The following ANK3 variants were observed in gnomAD, a reference collection of about 807,000 sequenced individuals.
The protein encoded by ANK3 is ankyrin 3.
A neutral mutation model predicts 370.9 loss-of-function variants in ANK3; 57 were observed. The observed-to-expected ratio is 0.15, with a 90% CI of 0.12 to 0.19. The LOEUF (loss-of-function observed/expected upper bound fraction) is 0.19, where lower values mean the gene tolerates loss of function less well. ANK3 is among the 10% of genes least tolerant of loss of function. The pLI is 1.00. For synonymous variants in ANK3, 1,929 were observed against 1,946.3 expected, an observed-to-expected ratio of 0.99 and a Z score of 0.23; for missense variants, 4,439 against 5,302.1, an observed-to-expected ratio of 0.84 and a Z score of 5.06.
At chr10:60,500,649 A>G (rs1430354639) in intron 2 of ANK3, among the ~76,000 whole-genome samples, 7 of 152,180 alleles carry the variant, frequency 4.6e-5, no homozygotes, top group African/African-American at 7.2e-5. Context: ...ACTGGCACAG[A>G]AGCAACTGGG....
chr10:60,344,066 C>G (rs1322816400), intron 1 of ANK3, among the ~76,000 whole-genome samples: 1 of 152,250 alleles, frequency 6.6e-6, no homozygotes, highest in Non-Finnish European at 1.5e-5. Context: ...TAATAACAGC[C>G]TAGTACTAAA....
chr10:60,672,503 G>C (rs1205241928), intron 1 of ANK3, among the ~76,000 whole-genome samples: 1 of 152,184 alleles, frequency 6.6e-6, no homozygotes, highest in Non-Finnish European at 1.5e-5. Flanking sequence ...GGAGCTTTCA[G>C]CTTGACAACA....
intron 2 of ANK3, among the ~76,000 whole-genome samples, chr10:60,479,669 C>A (rs548712133): frequency 6.6e-6 from 1 of 152,144 alleles, no homozygotes; most frequent in African/African-American, 2.4e-5. Flanking sequence ...AACTGAAACA[C>A]CGAGAAGTGG....
At chr10:60,585,226 T>C (rs547948311) in intron 2 of ANK3, among the ~76,000 whole-genome samples, 24 of 152,258 alleles carry the variant, frequency 1.6e-4, no homozygotes, top group African/African-American at 5.3e-4. Context: ...TGTATACAGG[T>C]GGTGAAACAC....
intron 2 of ANK3, among the ~76,000 whole-genome samples, chr10:60,400,087 C>T (rs1403309653): frequency 2.7e-5 from 4 of 149,870 alleles, no homozygotes; most frequent in Non-Finnish European, 5.9e-5. Context: ...TAAGATTTGG[C>T]TAAAGTCTGT....
At chr10:60,180,298 T>C (rs2096118958) in intron 18 of ANK3, among the ~76,000 whole-genome samples, 1 of 149,472 alleles carries the variant, frequency 6.7e-6, no homozygotes. Context: ...ACATGGCATA[T>C]AGAAAGAAAG....
At chr10:60,566,875 T>C (rs751023116) in intron 2 of ANK3, among the ~76,000 whole-genome samples, 56 of 152,242 alleles carry the variant, frequency 3.7e-4, no homozygotes, top group Middle Eastern at 6.8e-3. Context: ...AGACCCTGTC[T>C]CTTAAAAACA....
At chr10:60,279,677 A>G (rs749531215) in intron 1 of ANK3, 38 bp from the exon 2 acceptor site, 4 of 1,477,892 alleles carry the variant, frequency 2.7e-6, no homozygotes, top group South Asian at 2.3e-5. Context: ...TGAAAAATGA[A>G]GCTAATATGC....
At chr10:60,539,223 T>C (rs777891083) in intron 2 of ANK3, among the ~76,000 whole-genome samples, 23 of 152,136 alleles carry the variant, frequency 1.5e-4, no homozygotes, top group Non-Finnish European at 4.4e-5. Flanking sequence ...AGAACTATTA[T>C]TGTTAGAAAT....
chr10:60,446,323 G>C (rs988391439), intron 2 of ANK3, among the ~76,000 whole-genome samples: 2 of 152,122 alleles, frequency 1.3e-5, no homozygotes, highest in African/African-American at 2.4e-5. Flanking sequence ...TCAGAGCATG[G>C]TCCATTATGC....
chr10:60,576,405 A>G (rs1438454304), intron 2 of ANK3, among the ~76,000 whole-genome samples: 1 of 152,250 alleles, frequency 6.6e-6, no homozygotes, highest in African/African-American at 2.4e-5. Context: ...CATAGGAGAA[A>G]TAACAGGGTT....
chr10:60,544,359 G>A (rs1265463359), intron 2 of ANK3, among the ~76,000 whole-genome samples: 1 of 152,090 alleles, frequency 6.6e-6, no homozygotes, highest in African/African-American at 2.4e-5. Context: ...GGGAAGTAAA[G>A]AAGAGTAAAG....
chr10:60,392,522 C>T (rs1346831407), upstream of ANK3, among the ~76,000 whole-genome samples: 1 of 152,122 alleles, frequency 6.6e-6, no homozygotes, highest in Non-Finnish European at 1.5e-5. Context: ...CGACGGTCAC[C>T]TCCCTCTACA....
At chr10:60,487,739 A>C (rs2075386859) in intron 2 of ANK3, among the ~76,000 whole-genome samples, 1 of 115,852 alleles carries the variant, frequency 8.6e-6, no homozygotes, top group South Asian at 2.8e-4. Flanking sequence ...TTTGAGACAG[A>C]GTCTCGCTCT....
chr10:60,201,686 T>C (rs1369684920), intron 12 of ANK3, among the ~76,000 whole-genome samples: 1 of 150,590 alleles, frequency 6.6e-6, no homozygotes. Flanking sequence ...AGAGACTACC[T>C]TGAAGTTAGT....
chr10:60,413,418 A>T (rs533299827), intron 2 of ANK3, among the ~76,000 whole-genome samples: 1 of 152,296 alleles, frequency 6.6e-6, no homozygotes, highest in Admixed American at 6.5e-5. Context: ...GACAGATAAA[A>T]TTTTTATTAT....
rs893988264 is a variant in ANK3 at position 60,053,612 on chromosome 10, A to G, written c.13065+2046T>C. On this transcript the variant is annotated intron_variant, in intron 42 of 43. Coordinates refer to ENST00000280772, the MANE Select transcript of ANK3 (RefSeq NM_020987.5). ...GGGGAAAACAAGGAAACCAAATGGA[A>G]TTTTCTCAGTACTCTTTGCCATGGG... 13 of 1,214,754 alleles carry G rather than the reference A, an allele frequency of 1.1e-5. 1 individual carries two copies. In the South Asian group the frequency reaches 1.4e-4, roughly 13 times the overall value. The allele number at this position is 1,214,754 out of a possible 1,614,324, so 75.2% of individuals were successfully genotyped here.
At chr10:60,284,225 AT>A (rs2098210103) in intron 1 of ANK3, among the ~76,000 whole-genome samples, 1 of 152,312 alleles carries the variant, frequency 6.6e-6, no homozygotes, top group Admixed American at 6.5e-5. Flanking sequence ...GCAAGGAAGA[AT>A]TCTGCCCTAG....
At chr10:60,672,141 C>G (rs1458811993) in intron 1 of ANK3, among the ~76,000 whole-genome samples, 3 of 152,194 alleles carry the variant, frequency 2.0e-5, no homozygotes, top group Non-Finnish European at 4.4e-5. Flanking sequence ...ATTTGGTCTC[C>G]AACCCTGGTT....
Sources: gnomAD v4.1 joint callset for allele counts (sites outside exome capture counted in the v4.1 genomes callset) on GRCh38, gnomAD v4.1.1 for gene constraint, MANE v1.5 for transcripts, NCBI Gene and HGNC (gene_info 2026-07-23, HGNC 2026-07-21) for gene names.